Variants in TMEM156 observed in about 807,000 individuals in gnomAD.
The protein encoded by TMEM156 is transmembrane protein 156.
In TMEM156, 28 loss-of-function variants were observed where a neutral mutation model predicts 30.5. The ratio of observed to expected loss-of-function variants is 0.92; its 90% CI spans 0.68 to 1.26. The LOEUF is 1.26. Ranked by LOEUF, TMEM156 falls within the 50% of genes most tolerant of loss-of-function variation. TMEM156 has a pLI of 0.00. For synonymous variants in TMEM156, 137 were observed against 119.9 expected (o/e 1.14, Z -0.93); for missense variants, 351 against 340.6 (o/e 1.03, Z -0.24).
At chr4:38,982,847 G>A (rs1305373958) in intron 5 of TMEM156, among the ~76,000 whole-genome samples, 1 of 152,170 alleles carries the variant, frequency 6.6e-6, no homozygotes, top group African/African-American at 2.4e-5. Flanking sequence ...CAGCAGGAGT[G>A]GATGGAAACT....
chr4:38,989,319 A>G (rs979050312), intron 3 of TMEM156, among the ~76,000 whole-genome samples: 21 of 152,236 alleles, frequency 1.4e-4, no homozygotes, highest in African/African-American at 4.6e-4. Flanking sequence ...CTTACAATTC[A>G]TAATTTTGAC....
chr4:39,008,438 A>C (rs1021167918), intron 1 of TMEM156, among the ~76,000 whole-genome samples: 1 of 152,132 alleles, frequency 6.6e-6, no homozygotes, highest in African/African-American at 2.4e-5. Context: ...TCTAATGCTA[A>C]CTTAATCTTG....
intron 1 of TMEM156, among the ~76,000 whole-genome samples, chr4:39,002,361 A>G (rs1489299555): frequency 4.0e-5 from 6 of 151,402 alleles, no homozygotes; most frequent in South Asian, 2.1e-4. Flanking sequence ...TTAGAAAGGC[A>G]ATCATTAAAA....
rs866088349 is a variant in TMEM156 at position 38,967,283 on chromosome 4, G to T, written c.*397C>A. 1 of 151,986 alleles carries T rather than the reference G, an allele frequency of 6.6e-6. No homozygotes were observed. Among genetic ancestry groups the T allele is most frequent in the Non-Finnish European group, 1.5e-5 (1 of 67,988 alleles). The allele number at this position is 151,986 out of a possible 1,614,324, so 9.4% of individuals were successfully genotyped here. On this transcript the variant is annotated 3_prime_UTR_variant, in exon 7 of 7. Transcript: ENST00000381938. ...TACAATGTGGCCCAATAAAAGAAAG[G>T]GTTTTCATATTTGATCCTGTTTTTG...
chr4:39,020,258 A>G (rs1252902940), intron 1 of TMEM156, among the ~76,000 whole-genome samples: 1 of 152,256 alleles, frequency 6.6e-6, no homozygotes, highest in Non-Finnish European at 1.5e-5. Context: ...TAATGCTGCA[A>G]TGGATATGGG....
intron 1 of TMEM156, among the ~76,000 whole-genome samples, chr4:39,010,411 A>AACC (rs892924275): frequency 2.0e-5 from 3 of 152,024 alleles, no homozygotes; most frequent in African/African-American, 7.2e-5. Flanking sequence ...AATTCATATG[A>AACC]ACCACCCACC....
In TMEM156 at chr4:38,991,899, A is replaced by G. The variant is rs528333487; in HGVS notation, c.619+1839T>C. Among the ~76,000 whole-genome samples, 522 of 152,210 alleles carry G rather than the reference A, an allele frequency of 3.4e-3. 1 individual carries two copies. Among genetic ancestry groups the G allele is most frequent in the Middle Eastern group, 0.031 (9 of 294 alleles). Reference sequence around the variant, plus strand: ...CTTCCAATTCATTCACTCCTCAATCAGAGGGAACTGATCCTTCTGTTCAGA... The same window carrying G: ...CTTCCAATTCATTCACTCCTCAATCGGAGGGAACTGATCCTTCTGTTCAGA... On this transcript the variant is annotated intron_variant, in intron 3 of 6. Transcript: ENST00000381938.
intron 4 of TMEM156, among the ~76,000 whole-genome samples, chr4:38,987,096 T>C (rs1712061624): frequency 6.6e-6 from 1 of 152,188 alleles, no homozygotes; most frequent in Non-Finnish European, 1.5e-5. Flanking sequence ...CTTCTAGACA[T>C]TTTTTCTAGC....
At chr4:39,007,919 G>A (rs1713852193) in intron 1 of TMEM156, among the ~76,000 whole-genome samples, 1 of 151,976 alleles carries the variant, frequency 6.6e-6, no homozygotes, top group South Asian at 2.1e-4. Flanking sequence ...CATCTTTTAG[G>A]AAATATGTTT....
intron 1 of TMEM156, among the ~76,000 whole-genome samples, chr4:39,029,814 G>A (rs919119021): frequency 1.3e-5 from 2 of 151,556 alleles, no homozygotes; most frequent in Non-Finnish European, 1.5e-5. Flanking sequence ...TATATTAAAT[G>A]AGGCTATAAA....
intron 3 of TMEM156, among the ~76,000 whole-genome samples, chr4:38,992,822 C>A (rs933030239): frequency 1.4e-5 from 2 of 147,566 alleles, no homozygotes; most frequent in Admixed American, 1.4e-4. Context: ...AGTGCAGCAG[C>A]GCGATCTCGG....
At chr4:38,987,929 G>A (rs1712120730) in intron 4 of TMEM156, among the ~76,000 whole-genome samples, 1 of 151,904 alleles carries the variant, frequency 6.6e-6, no homozygotes, top group Non-Finnish European at 1.5e-5. Context: ...ATTGTCCATT[G>A]GGCCTGATAG....
rs1222060486 is a variant in TMEM156, at chr4:39,002,893, G to A, written c.89-3984C>T. ...ACTCTGGGGCCTGTTGTGGGGGGGT[G>A]GACGGGGGAGGGATAGCATTGGGAG... On this transcript the variant is annotated intron_variant, in intron 1 of 6. Transcript: ENST00000381938. Among the ~76,000 whole-genome samples, 12 of 151,976 alleles carry A rather than the reference G, an allele frequency of 7.9e-5. No homozygotes were observed. The East Asian group carries it at 2.1e-3, about 27-fold the overall frequency.
At chr4:39,007,649 G>A (rs541901883) in intron 1 of TMEM156, among the ~76,000 whole-genome samples, 1 of 151,942 alleles carries the variant, frequency 6.6e-6, no homozygotes, top group East Asian at 1.9e-4. Context: ...GGTAGAGATG[G>A]GGTTTCACCA....
intron 1 of TMEM156, among the ~76,000 whole-genome samples, chr4:39,022,830 A>G (rs547863746): frequency 1.9e-4 from 29 of 152,230 alleles, no homozygotes; most frequent in Admixed American, 4.6e-4. Context: ...AGAAATGTAG[A>G]TTATTTCTTT....
chr4:38,990,295 G>A (rs898155396), intron 3 of TMEM156, among the ~76,000 whole-genome samples: 6 of 152,212 alleles, frequency 3.9e-5, no homozygotes, highest in Admixed American at 1.3e-4. Flanking sequence ...ATTTAGAGAG[G>A]TGGCTAAGTA....
intron 6 of TMEM156, among the ~76,000 whole-genome samples, chr4:38,968,631 T>C (rs887931836): frequency 6.6e-6 from 1 of 152,188 alleles, no homozygotes; most frequent in Non-Finnish European, 1.5e-5. Context: ...AGCATAATAA[T>C]ATCCAGTAAT....
chr4:39,015,180 C>T (rs1714397122), intron 1 of TMEM156, among the ~76,000 whole-genome samples: 1 of 152,150 alleles, frequency 6.6e-6, no homozygotes, highest in Admixed American at 6.5e-5. Flanking sequence ...TGTACCTTCT[C>T]TCATTTTTTT....
At chr4:39,014,229 A>G (rs532534155) in intron 1 of TMEM156, among the ~76,000 whole-genome samples, 36 of 152,358 alleles carry the variant, frequency 2.4e-4, no homozygotes, top group Admixed American at 2.2e-3. Flanking sequence ...GTATTACGAC[A>G]TCAAAAACAG....
Sources: gnomAD v4.1 joint callset for allele counts (sites outside exome capture counted in the v4.1 genomes callset) on GRCh38, gnomAD v4.1.1 for gene constraint, MANE v1.5 for transcripts, NCBI Gene and HGNC (gene_info 2026-07-23, HGNC 2026-07-21) for gene names.